GALNT18: variants seen among roughly 807,000 people sequenced by gnomAD.
The protein encoded by GALNT18 is polypeptide N-acetylgalactosaminyltransferase 18.
A neutral mutation model predicts 69.5 loss-of-function variants in GALNT18; 44 were observed. The observed-to-expected ratio is 0.63, with a 90% CI of 0.50 to 0.81. The LOEUF is 0.81. Ranked by LOEUF, GALNT18 falls within the 40% of genes least tolerant of loss-of-function variation. The probability of loss-of-function intolerance (pLI) is 0.00; values close to 1 mark genes in which losing one functional copy is unlikely to be tolerated. For missense variants in GALNT18, 715 were observed against 810.0 expected (o/e 0.88, Z 1.42); for synonymous variants, 364 against 318.2 (o/e 1.14, Z -1.53).
intron 1 of GALNT18, among the ~76,000 whole-genome samples, chr11:11,536,763 C>T (rs1186553375): frequency 2.0e-5 from 3 of 152,128 alleles, no homozygotes; most frequent in Non-Finnish European, 4.4e-5. Context: ...AGCAAAATGA[C>T]GTTCAGCTTC....
At position 11,353,344 on chromosome 11, in the gene GALNT18, C is replaced by T. The variant is rs186628667; in HGVS notation, c.1093-12340G>A. 2.6e-5 allele frequency: 16 copies of T among 606,898 alleles called. No homozygotes were observed. In the East Asian group the frequency reaches 4.4e-4, roughly 17 times the overall value. The allele number at this position is 606,898 out of a possible 1,614,324, so 37.6% of individuals were successfully genotyped here. A position where few individuals can be genotyped will look rare whatever the true frequency, so the allele number is the denominator to read the frequency against. Reference sequence around the variant, plus strand: ...AATCCAAATAAAAACCTTCCCATCTCTAATCTGAGAGTCATTTTTATCAGC... The same window carrying T: ...AATCCAAATAAAAACCTTCCCATCTTTAATCTGAGAGTCATTTTTATCAGC... On this transcript the variant is annotated intron_variant, in intron 6 of 10. Coordinates refer to ENST00000227756, the MANE Select transcript of GALNT18 (RefSeq NM_198516.3).
chr11:11,311,689 C>G (rs1849676111), intron 9 of GALNT18, among the ~76,000 whole-genome samples: 1 of 152,132 alleles, frequency 6.6e-6, no homozygotes, highest in Non-Finnish European at 1.5e-5. Flanking sequence ...CAGGGGCTGG[C>G]TTCTATCCCA....
chr11:11,416,803 G>A (rs1854873296), intron 3 of GALNT18, among the ~76,000 whole-genome samples: 1 of 152,198 alleles, frequency 6.6e-6, no homozygotes, highest in Non-Finnish European at 1.5e-5. Context: ...GGGAATTAGG[G>A]AAGCTAGGGC....
chr11:11,368,612 A>T (rs765746674), intron 6 of GALNT18, among the ~76,000 whole-genome samples: 15 of 152,108 alleles, frequency 9.9e-5, no homozygotes, highest in Non-Finnish European at 1.6e-4. Flanking sequence ...TCCTTTAATA[A>T]TGTTCATGTA....
In GALNT18 at chr11:11,377,775, A is replaced by C. The variant is rs1374656498; in HGVS notation, c.780-396T>G. Among the ~76,000 whole-genome samples the C allele has an allele frequency of 1.3e-5, 2 of 152,190 alleles. No individual in the cohort carries two copies. Among genetic ancestry groups the C allele is most frequent in the Admixed American group, 1.3e-4 (2 of 15,288 alleles). ...TGGGCTTTGATTTTGCTAAAATTCT[A>C]TGTGTCAACCTGGAGGAAAAGACAG... On this transcript the variant is annotated intron_variant, in intron 4 of 10. Coordinates refer to ENST00000227756, the MANE Select transcript of GALNT18 (RefSeq NM_198516.3). The surrounding 1 kb of genome is among the most constrained non-coding windows in gnomAD (Gnocchi z 4.6).
rs141974506 is a variant in GALNT18, at chr11:11,584,152, G to A, written c.235+37207C>T. Among the ~76,000 whole-genome samples, 143 of 152,224 alleles carry A rather than the reference G, an allele frequency of 9.4e-4. 2 individuals are homozygous for A. The highest frequency in any genetic ancestry group is 2.1e-3 in the South Asian group (10 of 4,822). On this transcript the variant is annotated intron_variant, in intron 1 of 10. Coordinates refer to ENST00000227756, the MANE Select transcript of GALNT18 (RefSeq NM_198516.3). The surrounding 1 kb of genome is among the most constrained non-coding windows in gnomAD (Gnocchi z 4.1). ...AGAAGAAGCGGCCCCTGAGATTCCAGGGAACTTGGTTCCAAATGGTAGGAC... is the reference window on the plus strand; with the variant it reads ...AGAAGAAGCGGCCCCTGAGATTCCAAGGAACTTGGTTCCAAATGGTAGGAC...
chr11:11,280,189 A>C (rs1296689771), intron 10 of GALNT18, among the ~76,000 whole-genome samples: 1 of 152,174 alleles, frequency 6.6e-6, no homozygotes, highest in Non-Finnish European at 1.5e-5. Context: ...AACAGCACAG[A>C]GACCAAAGAA....
In GALNT18 at chr11:11,314,243, C is replaced by A. The variant is rs1008497517; in HGVS notation, c.1512+12843G>T. ...GTCTGAACATTGGTCCACTGTGGAGCTGCTAATGACTGCTTCTCCCCAGCC... is the reference window on the plus strand; with the variant it reads ...GTCTGAACATTGGTCCACTGTGGAGATGCTAATGACTGCTTCTCCCCAGCC... On this transcript the variant is annotated intron_variant, in intron 9 of 10. Coordinates refer to ENST00000227756, the MANE Select transcript of GALNT18 (RefSeq NM_198516.3). The surrounding 1 kb of genome is among the most constrained non-coding windows in gnomAD (Gnocchi z 5.2). 2.6e-5 allele frequency among the ~76,000 whole-genome samples: 4 copies of A among 152,204 alleles called. No homozygotes were observed. The highest frequency in any genetic ancestry group is 5.9e-5 in the Non-Finnish European group (4 of 68,038).
At position 11,497,521 on chromosome 11, in the gene GALNT18, T is replaced by C. The variant is rs1363121170; in HGVS notation, c.236-48585A>G. Among the ~76,000 whole-genome samples the C allele has an allele frequency of 1.3e-5, 2 of 152,098 alleles. No homozygotes were observed. Among genetic ancestry groups the C allele is most frequent in the Non-Finnish European group, 2.9e-5 (2 of 68,004 alleles). On this transcript the variant is annotated intron_variant, in intron 1 of 10. Transcript: ENST00000227756. This position sits in a 1 kb window ranked among gnomAD's most constrained non-coding sequence, Gnocchi z 4.2. ...ACAAAATAGCTGATTAATAAATTTG[T>C]GCTGAATGAAAGAATACTCCAAAAG...
chr11:11,450,080 T>A (rs1435605848), intron 1 of GALNT18, among the ~76,000 whole-genome samples: 1 of 140,928 alleles, frequency 7.1e-6, no homozygotes, highest in East Asian at 3.2e-4. Flanking sequence ...TGGACAGAAC[T>A]GGCAAGCCCA....
At chr11:11,442,777 G>C (rs1001392929) in intron 2 of GALNT18, among the ~76,000 whole-genome samples, 2 of 152,160 alleles carry the variant, frequency 1.3e-5, no homozygotes, top group Non-Finnish European at 2.9e-5. Flanking sequence ...AACGCCTCCT[G>C]TCCTAGCCCC....
chr11:11,616,349 G>T lies in GALNT18; in HGVS notation c.235+5010C>A, dbSNP rs143927248. Among the ~76,000 whole-genome samples, 283 of 152,282 alleles carry T rather than the reference G, an allele frequency of 1.9e-3. 2 individuals carry two copies. Among genetic ancestry groups the T allele is most frequent in the African/African-American group, 6.6e-3 (273 of 41,564 alleles). ...AGGCTCCATGACTTTGGTACAATAA[G>T]ACACTGTTGGTGGCTGTAAAGAAAG... is the stretch of plus-strand genomic sequence containing the variant. On this transcript the variant is annotated intron_variant, in intron 1 of 10. Transcript: ENST00000227756. This position sits in a 1 kb window ranked among gnomAD's most constrained non-coding sequence, Gnocchi z 4.4.
At chr11:11,597,632 T>C (rs1859531594) in intron 1 of GALNT18, among the ~76,000 whole-genome samples, 1 of 152,004 alleles carries the variant, frequency 6.6e-6, no homozygotes, top group African/African-American at 2.4e-5. Flanking sequence ...ATGTCCTCCC[T>C]TTCATCCCTA....
At chr11:11,322,840 G>A (rs950709969) in intron 9 of GALNT18, among the ~76,000 whole-genome samples, 2 of 152,218 alleles carry the variant, frequency 1.3e-5, no homozygotes, top group Admixed American at 1.3e-4. Context: ...CCAAGATCAA[G>A]ATGCTGGTCA....
At chr11:11,328,119 C>T (rs1008654987) in intron 8 of GALNT18, among the ~76,000 whole-genome samples, 2 of 152,072 alleles carry the variant, frequency 1.3e-5, no homozygotes, top group Admixed American at 6.5e-5. Context: ...CAGAGAAAGT[C>T]AGTTGTGATC....
chr11:11,283,967 C>A (rs1002741206), intron 10 of GALNT18, among the ~76,000 whole-genome samples: 3 of 151,766 alleles, frequency 2.0e-5, no homozygotes, highest in Non-Finnish European at 4.4e-5. Flanking sequence ...TCCTTCTGGG[C>A]CTTTCAGGAA....
rs904896176 is a variant in GALNT18 at position 11,387,994 on chromosome 11, T to C, written c.596-8730A>G. Reference sequence around the variant, plus strand: ...AACAGCTGCACTTCTGTCCAGCTCATGTAATAGCTGCACTTCTTCAAAGTC... The same window carrying C: ...AACAGCTGCACTTCTGTCCAGCTCACGTAATAGCTGCACTTCTTCAAAGTC... On this transcript the variant is annotated intron_variant, in intron 3 of 10. Coordinates refer to ENST00000227756, the MANE Select transcript of GALNT18 (RefSeq NM_198516.3). The surrounding 1 kb of genome is among the most constrained non-coding windows in gnomAD (Gnocchi z 4.6). Among the ~76,000 whole-genome samples the C allele has an allele frequency of 3.3e-5, 5 of 152,264 alleles. No homozygotes were observed. Among genetic ancestry groups the C allele is most frequent in the Non-Finnish European group, 7.3e-5 (5 of 68,054 alleles).
rs1857932771 is a variant in GALNT18 at position 11,541,834 on chromosome 11, C to T, written c.235+79525G>A. On this transcript the variant is annotated intron_variant, in intron 1 of 10. Transcript: ENST00000227756. This position sits in a 1 kb window ranked among gnomAD's most constrained non-coding sequence, Gnocchi z 4.8. ...GGGCACAAGCCAAGCCCAGAAGCCT[C>T]TCCCGAAGAGTGAGCAGGTTGCTTT... is the stretch of plus-strand genomic sequence containing the variant. 6.6e-6 allele frequency among the ~76,000 whole-genome samples: 1 copy of T among 152,240 alleles called. No homozygotes were observed. Among genetic ancestry groups the T allele is most frequent in the South Asian group, 2.1e-4 (1 of 4,834 alleles).
intron 1 of GALNT18, among the ~76,000 whole-genome samples, chr11:11,536,028 A>T (rs1456025608): frequency 6.6e-6 from 1 of 152,148 alleles, no homozygotes; most frequent in African/African-American, 2.4e-5. Flanking sequence ...CCAAACACGT[A>T]CACAGTAATT....
Sources: gnomAD v4.1 joint callset for allele counts (sites outside exome capture counted in the v4.1 genomes callset) on GRCh38, gnomAD v4.1.1 for gene constraint, Gnocchi (gnomAD v3.1) non-coding constraint, MANE v1.5 for transcripts, NCBI Gene and HGNC (gene_info 2026-07-23, HGNC 2026-07-21) for gene names.